Variants in EXPH5 observed in about 807,000 individuals in gnomAD.
The protein encoded by EXPH5 is exophilin-5.
A neutral mutation model predicts 41.1 loss-of-function variants in EXPH5; 42 were observed. The ratio of observed to expected loss-of-function variants is 1.02; its 90% confidence interval spans 0.80 to 1.32. EXPH5 has a LOEUF of 1.32. Among genes scored for constraint, EXPH5 ranks in the 40% most tolerant of loss-of-function variants. The pLI is 0.00. For missense variants in EXPH5, 2,298 were observed against 2,314.5 expected, an observed-to-expected ratio of 0.99 and a Z score of 0.15; for synonymous variants, 798 against 833.5, an observed-to-expected ratio of 0.96 and a Z score of 0.73.
At chr11:108,575,037 A>G (rs1443138808) in intron 1 of EXPH5, among the ~76,000 whole-genome samples, 1 of 152,222 alleles carries the variant, frequency 6.6e-6, no homozygotes, top group Non-Finnish European at 1.5e-5. Flanking sequence ...AGTCATGGTT[A>G]GATTTTCTGT....
chr11:108,530,656 G>C (rs779606363), intron 3 of EXPH5, among the ~76,000 whole-genome samples: 28 of 152,190 alleles, frequency 1.8e-4, no homozygotes, highest in Non-Finnish European at 1.8e-4. Flanking sequence ...CCCACAGTCC[G>C]ACACTCACCA....
chr11:108,585,486 C>G (rs1192633791), intron 1 of EXPH5, among the ~76,000 whole-genome samples: 1 of 152,136 alleles, frequency 6.6e-6, no homozygotes, highest in Non-Finnish European at 1.5e-5. Context: ...AAAAGGCACC[C>G]TCTATGAGGA....
At chr11:108,596,247 G>A (rs115580884), upstream of EXPH5, among the ~76,000 whole-genome samples, 936 of 152,202 alleles carry the variant, frequency 6.1e-3, 7 homozygotes, top group African/African-American at 0.021. Context: ...GACAAGAAGA[G>A]TAGAGTGAAG....
rs182810363 is a variant in EXPH5, at chr11:108,542,021, A to G, written c.120-209T>C. Among the ~76,000 whole-genome samples the G allele has an allele frequency of 2.3e-3, 344 of 151,950 alleles. 2 individuals carry two copies. Among genetic ancestry groups the G allele is most frequent in the Non-Finnish European group, 3.2e-3 (217 of 67,970 alleles). Reference sequence around the variant, plus strand: ...GCTTCCCAAGTAGCTGAGACCACAGACGCATACCACCACACCCAGCTAATT... The same window carrying G: ...GCTTCCCAAGTAGCTGAGACCACAGGCGCATACCACCACACCCAGCTAATT... On this transcript the variant is annotated intron_variant, in intron 1 of 5. Transcript: ENST00000265843.
chr11:108,559,159 G>A (rs1317964330), intron 1 of EXPH5, among the ~76,000 whole-genome samples: 1 of 152,114 alleles, frequency 6.6e-6, no homozygotes, highest in Non-Finnish European at 1.5e-5. Context: ...TCTCATCACT[G>A]GATTGTCAGC....
chr11:108,576,003 G>A (rs747409405), intron 1 of EXPH5, among the ~76,000 whole-genome samples: 1 of 151,880 alleles, frequency 6.6e-6, no homozygotes, highest in Non-Finnish European at 1.5e-5. Context: ...TGACATGGGG[G>A]TAACAGTTTG....
At chr11:108,571,975 G>C (rs540537381) in intron 1 of EXPH5, among the ~76,000 whole-genome samples, 1 of 151,994 alleles carries the variant, frequency 6.6e-6, no homozygotes, top group Non-Finnish European at 1.5e-5. Flanking sequence ...GCGTGAACCC[G>C]GGAGGCGGAG....
At position 108,509,785 on chromosome 11, in the gene EXPH5, C is replaced by T; in HGVS notation, c.5722G>A (p.Gly1908Arg). 1 of 1,609,624 alleles carries T rather than the reference C, an allele frequency of 6.2e-7. No homozygotes were observed. Among genetic ancestry groups the T allele is most frequent in the South Asian group, 1.1e-5 (1 of 89,938 alleles). The part of the protein sequence containing the change: ...LENVKRSLTQ[G>R]RLWKPSFLKN... ...AGAAAACTTGGTTTCCATAATCTTC[C>T]TTGTGTAAGTGACCTCTTTACATTT... Residue 1908 changes from glycine to arginine, a missense_variant, in exon 6 of 6, where the codon GGA (glycine) becomes AGA (arginine). Physicochemically the swap from Gly to Arg is moderately radical, Grantham distance 125 (BLOSUM62 -2). Transcript: ENST00000265843.
In EXPH5 at chr11:108,511,751, T is replaced by C. The variant is rs761525773; in HGVS notation, c.3756A>G (p.Ile1252Met). 2.5e-6 allele frequency: 4 copies of C among 1,612,278 alleles called. No individual in the cohort carries two copies. In the African/African-American group the frequency reaches 5.3e-5, roughly 22 times the overall value. ...DNVKCLEVVS[I>M]YYTLPRKPSK... ...TGGGTTTCCTCGGTAGAGTGTAATA[T>C]ATTGAGACCACCTCCAGACATTTTA... Residue 1252 changes from isoleucine (I) to methionine (M), a missense_variant, in exon 6 of 6, where the codon ATA becomes ATG. Ile to Met is a conservative substitution (Grantham distance 10). Coordinates refer to ENST00000265843, the MANE Select transcript of EXPH5 (RefSeq NM_015065.3).
intron 4 of EXPH5, among the ~76,000 whole-genome samples, chr11:108,526,379 A>G (rs1419483870): frequency 6.6e-6 from 1 of 152,232 alleles, no homozygotes; most frequent in African/African-American, 2.4e-5. Context: ...TAAGATGTCT[A>G]TTAATCCCTA....
Position 108,513,962 on chromosome 11 carries a change from A to C in EXPH5, c.1545T>G (p.Asn515Lys), listed in dbSNP as rs1048834599. 10 of 1,608,904 alleles carry C rather than the reference A, an allele frequency of 6.2e-6. No homozygotes were observed. The highest frequency in any genetic ancestry group is 8.5e-6 in the Non-Finnish European group (10 of 1,177,964). Residue 515 changes from asparagine (N) to lysine (K), a missense_variant, in exon 6 of 6, where the codon AAT becomes AAG. By Grantham distance (94) the Asn-to-Lys change is moderately conservative. Coordinates refer to ENST00000265843, the MANE Select transcript of EXPH5 (RefSeq NM_015065.3). ...TATGGCCATGAATGGCTGATACACT[A>C]TTTGCTTCCATGGAAATCATTTCAA... The part of the protein sequence containing the change: ...RDFEMISMEA[N>K]SVSAIHGHNV...
At chr11:108,544,126 AAAC>A (rs1462421168) in intron 1 of EXPH5, among the ~76,000 whole-genome samples, 1 of 152,162 alleles carries the variant, frequency 6.6e-6, no homozygotes, top group African/African-American at 2.4e-5. Context: ...TGTTCCATAT[AAAC>A]AACATTTTCC....
chr11:108,529,365 C>T lies in EXPH5; in HGVS notation c.444-1181G>A, dbSNP rs975293270. Among the ~76,000 whole-genome samples, 3 of 152,146 alleles carry T rather than the reference C, an allele frequency of 2.0e-5. No individual in the cohort carries two copies. In the East Asian group the frequency reaches 5.8e-4, roughly 29 times the overall value. On this transcript the variant is annotated intron_variant, in intron 3 of 5. Transcript: ENST00000265843. ...TTTATTTATTTGAGACAGGATCTCA[C>T]TCTGACACCCAGGCTGGAGTGTAGT...
chr11:108,526,139 T>G (rs926682841), intron 4 of EXPH5, among the ~76,000 whole-genome samples: 1 of 151,852 alleles, frequency 6.6e-6, no homozygotes. Flanking sequence ...CCCAAGCTGG[T>G]CTCAAACTCC....
At chr11:108,565,938 A>C (rs919055949) in intron 1 of EXPH5, among the ~76,000 whole-genome samples, 1 of 152,222 alleles carries the variant, frequency 6.6e-6, no homozygotes, top group Non-Finnish European at 1.5e-5. Flanking sequence ...TTGTGCTGGC[A>C]CTTAGCTAAA....
rs1173930275 is a variant in EXPH5, at chr11:108,513,763, C to T, written c.1744G>A (p.Val582Ile). ...QLTPHFGTPN[V>I]CSMTGSSYHV... ...TAGCTTGAACCAGTCATGGAGCAAA[C>T]ATTTGGTGTGCCAAAATGAGGAGTC... The change falls in exon 6 of 6, where the codon GTT becomes ATT. Residue 582 changes from valine (V) to isoleucine (I), a missense_variant. By Grantham distance (29) the Val-to-Ile change is conservative. Coordinates refer to ENST00000265843, the MANE Select transcript of EXPH5 (RefSeq NM_015065.3). 6.2e-7 allele frequency: 1 copy of T among 1,606,154 alleles called. No homozygotes were observed. The highest frequency in any genetic ancestry group is 8.5e-7 in the Non-Finnish European group (1 of 1,176,818).
In EXPH5 at chr11:108,510,092, A is replaced by G. The variant is rs2093667354; in HGVS notation, c.5415T>C (p.Asp1805=). The G allele has an allele frequency of 6.2e-7, 1 of 1,612,470 alleles. No individual in the cohort carries two copies. Among genetic ancestry groups the G allele is most frequent in the Admixed American group, 1.7e-5 (1 of 59,612 alleles). ...TTGGAGGATGGCTTTTTCGTAGTAG[A>G]TCGCCATGAACATTAATGCTTTTTA... ...KSLKSINVHG[D]LLRKSHPPKV... The change falls in exon 6 of 6, where the codon GAT becomes GAC. Residue 1805 remains aspartate, a synonymous_variant. Coordinates refer to ENST00000265843, the MANE Select transcript of EXPH5 (RefSeq NM_015065.3).
At chr11:108,589,814 A>C (rs904113849) in intron 1 of EXPH5, among the ~76,000 whole-genome samples, 5 of 152,208 alleles carry the variant, frequency 3.3e-5, no homozygotes, top group Non-Finnish European at 7.3e-5. Flanking sequence ...TCTGCTGCTT[A>C]AGTTGGACAA....
chr11:108,511,767 A>C lies in EXPH5; in HGVS notation c.3740T>G (p.Leu1247Arg). 6.2e-7 allele frequency: 1 copy of C among 1,611,182 alleles called. No homozygotes were observed. The highest frequency in any genetic ancestry group is 8.5e-7 in the Non-Finnish European group (1 of 1,179,374). Reference sequence around the variant, plus strand: ...AGTGTAATATATTGAGACCACCTCCAGACATTTTACATTATCTTCATCACC... The same window carrying C: ...AGTGTAATATATTGAGACCACCTCCCGACATTTTACATTATCTTCATCACC... ...VSGDEDNVKC[L>R]EVVSIYYTLP... Residue 1247 changes from leucine (L) to arginine (R), a missense_variant, in exon 6 of 6, where the codon CTG (leucine) becomes CGG (arginine). Leu to Arg is a moderately radical substitution (Grantham distance 102). Transcript: ENST00000265843.
Sources: gnomAD v4.1 joint callset for allele counts (sites outside exome capture counted in the v4.1 genomes callset) on GRCh38, gnomAD v4.1.1 for gene constraint, MANE v1.5 for transcripts, NCBI Gene and HGNC (gene_info 2026-07-23, HGNC 2026-07-21) for gene names.